WWC2: variants seen among roughly 807,000 people sequenced by gnomAD.
The protein encoded by WWC2 is protein WWC2.
A neutral mutation model predicts 138.5 loss-of-function variants in WWC2; 101 were observed. That is an observed-to-expected ratio of 0.73 (90% CI 0.62 to 0.86). The LOEUF (loss-of-function observed/expected upper bound fraction) is 0.86. WWC2 is among the 40% of genes least tolerant of loss of function. The probability of loss-of-function intolerance (pLI) is 0.00; values close to 1 mark genes in which losing one functional copy is unlikely to be tolerated. For synonymous variants in WWC2, 558 were observed against 538.4 expected (o/e 1.04, Z -0.50); for missense variants, 1,420 against 1,419.4 (o/e 1.00, Z -0.01).
intron 1 of WWC2, among the ~76,000 whole-genome samples, chr4:183,125,624 A>G (rs1732734920): frequency 6.6e-6 from 1 of 152,200 alleles, no homozygotes; most frequent in Non-Finnish European, 1.5e-5. Flanking sequence ...GCCAGTCCCC[A>G]TATAACATTA....
rs1737308727 is a variant in WWC2 at position 183,261,099 on chromosome 4, G to A, written c.1476G>A (p.Glu492=). 1.9e-6 allele frequency: 3 copies of A among 1,613,878 alleles called. No homozygotes were observed. Among genetic ancestry groups the A allele is most frequent in the Non-Finnish European group, 2.5e-6 (3 of 1,179,902 alleles). The part of the protein sequence containing the change: ...YQYKLDFLLQ[E]KSGYIPSGPI... ...ATAAACTGGACTTCCTTCTGCAAGA[G>A]AAAAGCGGTTACATTCCTTCTGGAC... Residue 492 remains glutamate (E), a synonymous_variant, in exon 11 of 23, where the codon GAG becomes GAA. Coordinates refer to ENST00000403733, the MANE Select transcript of WWC2 (RefSeq NM_024949.6).
rs183717050 is a variant in WWC2 at position 183,157,565 on chromosome 4, A to G, written c.132-36034A>G. On this transcript the variant is annotated intron_variant, in intron 1 of 22. Coordinates refer to ENST00000403733, the MANE Select transcript of WWC2 (RefSeq NM_024949.6). ...GCCCAGGCTGGAGTGCAGTGGCGCA[A>G]TCTCAGCTCACTGCAACCTCCACCT... Among the ~76,000 whole-genome samples the G allele has an allele frequency of 3.3e-3, 505 of 152,262 alleles. 1 individual carries two copies. Among genetic ancestry groups the G allele is most frequent in the South Asian group, 0.012 (58 of 4,808 alleles).
intron 4 of WWC2, among the ~76,000 whole-genome samples, chr4:183,232,497 G>C (rs1736276801): frequency 6.6e-6 from 1 of 152,096 alleles, no homozygotes; most frequent in African/African-American, 2.4e-5. Flanking sequence ...GCCTGTTACA[G>C]ACATTTCATA....
intron 4 of WWC2, among the ~76,000 whole-genome samples, chr4:183,216,334 G>T (rs1193075980): frequency 1.3e-5 from 2 of 152,186 alleles, no homozygotes; most frequent in Non-Finnish European, 2.9e-5. Context: ...GAATAAAATT[G>T]TGTGATTCAA....
rs1335208156 is a variant in WWC2 at position 183,261,033 on chromosome 4, T to C, written c.1410T>C (p.Tyr470=). Residue 470 remains tyrosine, a synonymous_variant, in exon 11 of 23, where the codon TAT becomes TAC. Coordinates refer to ENST00000403733, the MANE Select transcript of WWC2 (RefSeq NM_024949.6). ...ACTCCCTCAGTTCCACCGAACTCTA[T>C]TACAGCAGTCAAAGTGATCAGATAG... The part of the protein sequence containing the change: ...SLNSLSSTEL[Y]YSSQSDQIDV... 6.2e-7 allele frequency: 1 copy of C among 1,614,022 alleles called. No homozygotes were observed. Among genetic ancestry groups the C allele is most frequent in the Non-Finnish European group, 8.5e-7 (1 of 1,179,882 alleles).
Position 183,253,999 on chromosome 4 carries a change from G to C in WWC2, c.1196G>C (p.Arg399Thr). 3 of 1,611,408 alleles carry C rather than the reference G, an allele frequency of 1.9e-6. No homozygotes were observed. Among genetic ancestry groups the C allele is most frequent in the Non-Finnish European group, 2.5e-6 (3 of 1,178,842 alleles). ...RGTPSRALAE[R>T]LRLEERRKEL... ...ACACCAAGCAGAGCTCTGGCCGAGA[G>C]GTTTGTTTTCCTTCTGGAAATAGGG... The change falls in exon 9 of 23, where the codon AGA becomes ACA. Residue 399 changes from arginine (R) to threonine (T), a missense_variant and splice_region_variant. By Grantham distance (71) the Arg-to-Thr change is moderately conservative. Transcript: ENST00000403733.
At chr4:183,213,250 T>C (rs746513378) in intron 4 of WWC2, among the ~76,000 whole-genome samples, 3 of 152,230 alleles carry the variant, frequency 2.0e-5, no homozygotes, top group South Asian at 2.1e-4. Flanking sequence ...ACTTTAGGAA[T>C]GGCCCAGCCA....
At chr4:183,137,924 A>T (rs564501996) in intron 1 of WWC2, among the ~76,000 whole-genome samples, 1 of 152,250 alleles carries the variant, frequency 6.6e-6, no homozygotes, top group Admixed American at 6.5e-5. Context: ...GTTTCCTTGT[A>T]TGTTTAGTGA....
chr4:183,219,827 C>G (rs1356748834), intron 4 of WWC2, among the ~76,000 whole-genome samples: 1 of 152,310 alleles, frequency 6.6e-6, no homozygotes, highest in East Asian at 1.9e-4. Flanking sequence ...TCCCCTCCCC[C>G]ACCTTTCCTA....
chr4:183,301,845 T>G (rs192589767), intron 21 of WWC2, among the ~76,000 whole-genome samples: 4 of 152,242 alleles, frequency 2.6e-5, no homozygotes, highest in Non-Finnish European at 5.9e-5. Context: ...GTTGACAAAT[T>G]GGTGTATGTC....
intron 1 of WWC2, among the ~76,000 whole-genome samples, chr4:183,101,586 A>G (rs1743182476): frequency 2.0e-5 from 3 of 152,218 alleles, no homozygotes; most frequent in Non-Finnish European, 1.5e-5. Flanking sequence ...AGTCACCATT[A>G]TATACTCAGT....
At chr4:183,247,476 T>C (rs1736812646) in intron 6 of WWC2, among the ~76,000 whole-genome samples, 1 of 145,918 alleles carries the variant, frequency 6.9e-6, no homozygotes, top group East Asian at 2.0e-4. Flanking sequence ...TTTATCCTCA[T>C]ATATATATAC....
chr4:183,209,869 G>C (rs1201946875), intron 4 of WWC2, among the ~76,000 whole-genome samples: 2 of 152,088 alleles, frequency 1.3e-5, no homozygotes, highest in African/African-American at 4.8e-5. Flanking sequence ...AATACCCCCT[G>C]GTCATGAACT....
At chr4:183,278,052 C>T (rs2111395717) in intron 16 of WWC2, among the ~76,000 whole-genome samples, 1 of 152,172 alleles carries the variant, frequency 6.6e-6, no homozygotes, top group East Asian at 1.9e-4. Flanking sequence ...AGTCCTTGCC[C>T]ATGCCTATGT....
intron 2 of WWC2, among the ~76,000 whole-genome samples, chr4:183,198,990 G>A (rs1018640685): frequency 1.3e-5 from 2 of 152,128 alleles, no homozygotes; most frequent in Admixed American, 1.3e-4. Context: ...CATGCCAGGA[G>A]AAGATGGGGA....
At chr4:183,139,556 G>A (rs558787241) in intron 1 of WWC2, among the ~76,000 whole-genome samples, 21 of 152,000 alleles carry the variant, frequency 1.4e-4, no homozygotes, top group Non-Finnish European at 2.6e-4. Flanking sequence ...CTTGCCATTT[G>A]CCAAGGTCCA....
In WWC2 at chr4:183,319,566, A is replaced by C. The variant is rs1402635615; in HGVS notation, c.*3837A>C. ...CTTGTCCTTTCTGGCTTAGTGTTTC[A>C]GGTTGGTGTTTCTCGTCTCCAGTTC... On this transcript the variant is annotated 3_prime_UTR_variant, in exon 23 of 23. Coordinates refer to ENST00000403733, the MANE Select transcript of WWC2 (RefSeq NM_024949.6). 3.7e-6 allele frequency: 6 copies of C among 1,610,518 alleles called. No homozygotes were observed. In the South Asian group the frequency reaches 6.6e-5, roughly 18 times the overall value.
At chr4:183,145,954 T>C (rs1189195521) in intron 1 of WWC2, among the ~76,000 whole-genome samples, 5 of 152,236 alleles carry the variant, frequency 3.3e-5, no homozygotes, top group African/African-American at 9.6e-5. Context: ...CCTTAAGTTT[T>C]GAAGTTTGGT....
In WWC2 at chr4:183,099,616, G is replaced by C; in HGVS notation, c.125G>C (p.Arg42Pro). 7.4e-7 allele frequency: 1 copy of C among 1,355,594 alleles called. No homozygotes were observed. Among genetic ancestry groups the C allele is most frequent in the Non-Finnish European group, 9.7e-7 (1 of 1,036,210 alleles). The allele number at this position is 1,355,594 out of a possible 1,614,324, so 84.0% of individuals were successfully genotyped here. A position where few individuals can be genotyped will look rare whatever the true frequency, so the allele number is the denominator to read the frequency against. ...AGGAGGACCAGCTGGATCGACCCCC[G>C]GGACAGGTGGGCGCCGGCCGCGGGG... ...NTRRTSWIDPRDRLTKPLSFA... is the reference protein window; with the variant it reads ...NTRRTSWIDPPDRLTKPLSFA... The change falls in exon 1 of 23, where the codon CGG (arginine) becomes CCG (proline). Residue 42 changes from arginine to proline, a missense_variant. Coordinates refer to ENST00000403733, the MANE Select transcript of WWC2 (RefSeq NM_024949.6).
Sources: allele counts gnomAD v4.1 joint callset (sites outside exome capture counted in the v4.1 genomes callset), GRCh38; gene constraint gnomAD v4.1.1; transcripts MANE v1.5; gene names NCBI Gene and HGNC (gene_info 2026-07-23, HGNC 2026-07-21).